The following CYTH1 variants were observed in gnomAD, a reference collection of about 807,000 sequenced individuals.
CYTH1 encodes the protein cytohesin 1.
Under a neutral mutation model 61.8 loss-of-function variants are expected in CYTH1, and 18 were observed. The ratio of observed to expected loss-of-function variants is 0.29; its 90% CI spans 0.20 to 0.43. The LOEUF is 0.43. Ranked by LOEUF, CYTH1 falls within the 20% of genes least tolerant of loss-of-function variation. The pLI is 1.00. For missense variants in CYTH1, 336 were observed against 510.5 expected, an observed-to-expected ratio of 0.66 and a Z score of 3.29; for synonymous variants, 174 against 184.3, an observed-to-expected ratio of 0.94 and a Z score of 0.45.
At chr17:78,680,778 C>T (rs575540782) in intron 12 of CYTH1, among the ~76,000 whole-genome samples, 193 bp downstream of exon 12, 20 of 152,256 alleles carry the variant, frequency 1.3e-4, no homozygotes, top group African/African-American at 4.3e-4. Flanking sequence ...CTAAGTGAAA[C>T]GATAAAGCAG....
At position 78,766,087 on chromosome 17, in the gene CYTH1, GAAAAAA is replaced by G. The variant is rs59673666; in HGVS notation, c.22+16109_22+16114del. On this transcript the variant is annotated intron_variant, in intron 1 of 13. Transcript: ENST00000446868. Reference sequence around the variant, plus strand: ...AACATAGTGAGATCCCATCTCTACAGAAAAAAAAAAAAAAAAAAAAAAGCCAGCCCC... The same window carrying G: ...AACATAGTGAGATCCCATCTCTACAGAAAAAAAAAAAAAAAAGCCAGCCCC... Among the ~76,000 whole-genome samples, 8 of 65,698 alleles carry G rather than the reference GAAAAAA, an allele frequency of 1.2e-4. No individual in the cohort carries two copies. The South Asian group carries it at 4.7e-3, about 39-fold the overall frequency. 43.1% of individuals were successfully genotyped at this position (65,698 alleles called of 152,430 possible).
intron 1 of CYTH1, chr17:78,716,959 C>T (rs1049239320): frequency 6.6e-6 from 1 of 152,194 alleles, no homozygotes; most frequent in Non-Finnish European, 1.5e-5. Context: ...GGGAAAGCAC[C>T]GTCCGCACCC....
intron 11 of CYTH1, among the ~76,000 whole-genome samples, 190 bp downstream of exon 11, chr17:78,692,227 C>T (rs1158893907): frequency 2.0e-5 from 3 of 152,182 alleles, no homozygotes; most frequent in Admixed American, 6.5e-5. Flanking sequence ...CTTTAAGGCA[C>T]GCACCTCTTC....
chr17:78,718,373 G>T (rs2093201159), intron 1 of CYTH1, among the ~76,000 whole-genome samples: 2 of 152,128 alleles, frequency 1.3e-5, no homozygotes, highest in African/African-American at 2.4e-5. Flanking sequence ...CACCTGCTCA[G>T]AGGAGAACAA....
intron 2 of CYTH1, 113 bp downstream of exon 2, chr17:78,709,537 G>T: frequency 1.0e-6 from 1 of 1,004,454 alleles, no homozygotes; most frequent in Non-Finnish European, 1.6e-6. Context: ...GAGCTGTAGT[G>T]AGGGCAGGTC....
chr17:78,758,743 A>C (rs1170994508), intron 1 of CYTH1, among the ~76,000 whole-genome samples: 1 of 152,002 alleles, frequency 6.6e-6, no homozygotes, highest in Non-Finnish European at 1.5e-5. Context: ...GAAAAAAAGA[A>C]AGGAAAGTGC....
intron 1 of CYTH1, among the ~76,000 whole-genome samples, chr17:78,711,386 A>T (rs2093131196): frequency 6.6e-6 from 1 of 151,888 alleles, no homozygotes; most frequent in Non-Finnish European, 1.5e-5. Context: ...ATAATATTTT[A>T]TATTGATTGC....
At chr17:78,760,858 C>G (rs912760450) in intron 1 of CYTH1, among the ~76,000 whole-genome samples, 34 of 151,862 alleles carry the variant, frequency 2.2e-4, no homozygotes, top group African/African-American at 7.5e-4. Flanking sequence ...CCAATAAACC[C>G]ATCGTAAAGT....
intron 9 of CYTH1, chr17:78,696,563 CAA>C (rs938250001): frequency 1.3e-5 from 2 of 153,392 alleles, no homozygotes; most frequent in African/African-American, 4.8e-5. Flanking sequence ...CACATAAACA[CAA>C]AGAGTGATAC....
At chr17:78,745,250 C>G (rs1390192132) in intron 1 of CYTH1, among the ~76,000 whole-genome samples, 1 of 152,132 alleles carries the variant, frequency 6.6e-6, no homozygotes, top group Non-Finnish European at 1.5e-5. Context: ...AGTGCCCCTT[C>G]AGGACCCACC....
rs934492192 is a variant in CYTH1 at position 78,697,468 on chromosome 17, C to T, written c.811+801G>A. Reference sequence around the variant, plus strand: ...GTCTTTCCTATTGATTACCCTGTCACCTTCACGGCAAGGCATGACCACAAA... The same window carrying T: ...GTCTTTCCTATTGATTACCCTGTCATCTTCACGGCAAGGCATGACCACAAA... On this transcript the variant is annotated intron_variant, in intron 9 of 13. Transcript: ENST00000446868. Among the ~76,000 whole-genome samples the T allele has an allele frequency of 3.3e-5, 5 of 152,050 alleles. No individual in the cohort carries two copies. In the East Asian group the frequency reaches 9.6e-4, roughly 29 times the overall value.
chr17:78,682,041 G>T (rs1460895849), intron 11 of CYTH1, among the ~76,000 whole-genome samples: 2 of 151,968 alleles, frequency 1.3e-5, no homozygotes, highest in Non-Finnish European at 2.9e-5. Flanking sequence ...GTTATCTACA[G>T]AAGAGGACTG....
chr17:78,699,107 C>T (rs2092979683), intron 7 of CYTH1, 139 bp from the exon 8 acceptor site: 2 of 999,618 alleles, frequency 2.0e-6, no homozygotes, highest in Non-Finnish European at 2.9e-6. Context: ...TGGCTTACAC[C>T]TGTAATCCCT....
At chr17:78,677,190 G>C in intron 13 of CYTH1, 1 of 406,362 alleles carries the variant, frequency 2.5e-6, no homozygotes, top group Non-Finnish European at 5.0e-6. Context: ...GCTTTCACGA[G>C]GGAATCTGGC....
chr17:78,729,165 T>C (rs28408397), intron 1 of CYTH1, among the ~76,000 whole-genome samples: 1,903 of 152,286 alleles, frequency 0.012, 38 homozygotes, highest in African/African-American at 0.043. Flanking sequence ...TGGAGTGCAG[T>C]GGTGTGATCA....
At chr17:78,771,943 GT>G (rs2093473121) in intron 1 of CYTH1, among the ~76,000 whole-genome samples, 1 of 152,128 alleles carries the variant, frequency 6.6e-6, no homozygotes, top group Non-Finnish European at 1.5e-5. Flanking sequence ...CTGCTTTTGT[GT>G]TTTTCTGAAG....
intron 2 of CYTH1, chr17:78,709,274 AGAGCCAGAGCCAGGGCGTGGGCC>A (rs11270964): frequency 0.29 from 60,410 of 206,186 alleles, 9,612 homozygotes; most frequent in East Asian, 0.39. Flanking sequence ...AGTAAGCGGC[AGAGCCAGAGCCAGGGCGTGGGCC>A]GAGCTTCGCC....
chr17:78,676,628 C>T (rs1287242308), intron 13 of CYTH1: 1 of 276,642 alleles, frequency 3.6e-6, no homozygotes, highest in Non-Finnish European at 7.1e-6. Context: ...TTCCAAGCCC[C>T]CCACGTGCAC....
intron 1 of CYTH1, among the ~76,000 whole-genome samples, chr17:78,770,995 G>A (rs2093469128): frequency 1.3e-5 from 2 of 152,208 alleles, no homozygotes; most frequent in African/African-American, 4.8e-5. Flanking sequence ...AGGCGCAGTA[G>A]CTCACATCGG....
Sources: allele counts gnomAD v4.1 joint callset (sites outside exome capture counted in the v4.1 genomes callset), GRCh38; gene constraint gnomAD v4.1.1; transcripts MANE v1.5; gene names NCBI Gene and HGNC (gene_info 2026-07-23, HGNC 2026-07-21).